The following TGFBI variants were observed in gnomAD, a reference collection of about 807,000 sequenced individuals.
The protein encoded by TGFBI is transforming growth factor-beta-induced protein ig-h3.
In TGFBI, 50 loss-of-function variants were observed where a neutral mutation model predicts 73.7. The observed-to-expected ratio is 0.68, with a 90% CI of 0.54 to 0.86. The LOEUF is 0.86. Among genes scored for constraint, TGFBI ranks in the 40% least tolerant of loss-of-function variants. The probability of loss-of-function intolerance (pLI) is 0.00; values close to 1 mark genes in which losing one functional copy is unlikely to be tolerated. For synonymous variants in TGFBI, 362 were observed against 360.5 expected (o/e 1.00, Z -0.05); for missense variants, 839 against 877.0 (o/e 0.96, Z 0.55).
At chr5:136,029,414 A>G (rs1751069127) in intron 1 of TGFBI, among the ~76,000 whole-genome samples, 1 of 152,146 alleles carries the variant, frequency 6.6e-6, no homozygotes, top group Non-Finnish European at 1.5e-5. Context: ...GCTTTGTAGA[A>G]GGGAGTGGGG....
At chr5:136,030,955 G>T (rs772795369) in intron 1 of TGFBI, among the ~76,000 whole-genome samples, 5 of 152,202 alleles carry the variant, frequency 3.3e-5, no homozygotes, top group Non-Finnish European at 5.9e-5. Context: ...GAGCCCAGAA[G>T]AGTGCTGACC....
At chr5:136,031,380 T>G (rs952929148) in intron 1 of TGFBI, among the ~76,000 whole-genome samples, 39 of 152,244 alleles carry the variant, frequency 2.6e-4, no homozygotes, top group Admixed American at 1.3e-4. Flanking sequence ...TTTAAGGAAT[T>G]GTAGCGTGCT....
intron 12 of TGFBI, among the ~76,000 whole-genome samples, chr5:136,057,172 G>C (rs564314687): frequency 5.3e-5 from 8 of 152,320 alleles, no homozygotes; most frequent in African/African-American, 1.9e-4. Context: ...TGGGTCTCTT[G>C]TTGGCTGATG....
At position 136,060,777 on chromosome 5, in the gene TGFBI, T is replaced by TAA. The variant is rs1751733632; in HGVS notation, c.1804-56_1804-55insAA. 3 of 1,286,212 alleles carry TAA rather than the reference T, an allele frequency of 2.3e-6. No individual in the cohort carries two copies. The Admixed American group carries it at 7.2e-5, about 31-fold the overall frequency. The allele number at this position is 1,286,212 out of a possible 1,614,324, so 79.7% of individuals were successfully genotyped here. ...ACACTTGCTGAATGAATAAAATAAA[T>TAA]ATATAAATGTATAAATAAATGCTCT... On this transcript the variant is annotated intron_variant, in intron 13 of 16. Transcript: ENST00000442011.
intron 2 of TGFBI, among the ~76,000 whole-genome samples, chr5:136,039,433 A>G (rs1751290531): frequency 6.6e-6 from 1 of 152,184 alleles, no homozygotes; most frequent in Admixed American, 6.5e-5. Context: ...GGCCTGTAGG[A>G]CCTGGCTAAA....
In TGFBI at chr5:136,046,405, C is replaced by A. The variant is rs774589411; in HGVS notation, c.369C>A (p.Asp123Glu). The change falls in exon 4 of 17, where the codon GAC becomes GAA. Residue 123 changes from aspartate (D) to glutamate (E), a missense_variant. Coordinates refer to ENST00000442011, the MANE Select transcript of TGFBI (RefSeq NM_000358.3). ...CCACCACCACTCAGCTGTACACGGA[C>A]CGCACGGAGAAGCTGAGGCCTGAGA... ...VGSTTTQLYT[D>E]RTEKLRPEME... 7 of 1,613,964 alleles carry A rather than the reference C, an allele frequency of 4.3e-6. No individual in the cohort carries two copies. Among genetic ancestry groups the A allele is most frequent in the Non-Finnish European group, 5.1e-6 (6 of 1,179,862 alleles).
intron 8 of TGFBI, among the ~76,000 whole-genome samples, chr5:136,053,388 C>A (rs547104234): frequency 2.6e-5 from 4 of 152,236 alleles, no homozygotes; most frequent in Non-Finnish European, 5.9e-5. Context: ...AGAAGATCTG[C>A]CTGCTGTGCA....
Position 136,054,037 on chromosome 5 carries a change from T to C in TGFBI, c.1221T>C (p.Ser407=). ...QAGLGNHLSG[S]ERLTLLAPLN... is the part of the protein sequence containing the mutation. ...GCCTCGGCAATCATCTCTCTGGAAG[T>C]GAGCGGTTGACCCTCCTGGCTCCCC... The change falls in exon 9 of 17, where the codon AGT becomes AGC. Residue 407 remains serine, a synonymous_variant. Coordinates refer to ENST00000442011, the MANE Select transcript of TGFBI (RefSeq NM_000358.3). 1 of 1,613,844 alleles carries C rather than the reference T, an allele frequency of 6.2e-7. No individual in the cohort carries two copies. The highest frequency in any genetic ancestry group is 2.2e-5 in the East Asian group (1 of 44,872).
At chr5:136,055,895 A>G in intron 11 of TGFBI, 79 bp downstream of exon 11, 1 of 1,447,436 alleles carries the variant, frequency 6.9e-7, no homozygotes, top group South Asian at 1.4e-5. Context: ...GCTATTTGTC[A>G]AGCTTTCTTC....
At chr5:136,062,591 C>T (rs998089583) in intron 15 of TGFBI, 72 bp from the exon 16 acceptor site, 23 of 1,487,718 alleles carry the variant, frequency 1.5e-5, no homozygotes, top group Admixed American at 3.9e-5. Context: ...TGGCAATGGG[C>T]AAAGCCATTG....
At chr5:136,044,525 G>A (rs1190542265) in intron 3 of TGFBI, among the ~76,000 whole-genome samples, 1 of 152,236 alleles carries the variant, frequency 6.6e-6, no homozygotes, top group African/African-American at 2.4e-5. Flanking sequence ...GGATGTGGGA[G>A]GAGGGGGTCA....
At chr5:136,035,438 A>G (rs917605915) in intron 2 of TGFBI, among the ~76,000 whole-genome samples, 2 of 152,112 alleles carry the variant, frequency 1.3e-5, no homozygotes, top group African/African-American at 4.8e-5. Flanking sequence ...CCTGGCTAAC[A>G]TGGTGAAACC....
At chr5:136,054,189 T>C (rs1316990952) in intron 9 of TGFBI, 109 bp downstream of exon 9, 37 of 1,434,464 alleles carry the variant, frequency 2.6e-5, no homozygotes, top group Non-Finnish European at 3.3e-5. Flanking sequence ...ACATTAGAAC[T>C]TCCACTCAGC....
intron 13 of TGFBI, among the ~76,000 whole-genome samples, chr5:136,059,982 G>A (rs1182979171): frequency 6.6e-6 from 1 of 152,206 alleles, no homozygotes; most frequent in Non-Finnish European, 1.5e-5. Flanking sequence ...ACAGGCTTCT[G>A]TGCCTCCTAC....
chr5:136,041,306 C>T (rs1751335419), intron 2 of TGFBI, among the ~76,000 whole-genome samples: 1 of 152,304 alleles, frequency 6.6e-6, no homozygotes, highest in South Asian at 2.1e-4. Flanking sequence ...GACTCAGTGG[C>T]CTGAGGGACT....
chr5:136,062,139 G>A (rs1207552357), intron 15 of TGFBI, among the ~76,000 whole-genome samples: 1 of 152,048 alleles, frequency 6.6e-6, no homozygotes, highest in African/African-American at 2.4e-5. Context: ...TCCCCAGCTT[G>A]CCCAGTGCTC....
At chr5:136,063,000 A>G (rs45569433) in intron 16 of TGFBI, among the ~76,000 whole-genome samples, 186 bp from the exon 17 acceptor site, 4,657 of 152,272 alleles carry the variant, frequency 0.031, 236 homozygotes, top group African/African-American at 0.11. Context: ...GTTGATAGGT[A>G]CAGAAAACCA....
intron 13 of TGFBI, 117 bp downstream of exon 13, chr5:136,059,331 C>CCT: frequency 7.1e-7 from 1 of 1,412,326 alleles, no homozygotes; most frequent in Non-Finnish European, 9.5e-7. Flanking sequence ...GCCCGAATCT[C>CCT]TGAGTGTAAT....
intron 6 of TGFBI, chr5:136,049,008 G>A: frequency 6.0e-6 from 1 of 165,328 alleles, no homozygotes; most frequent in Non-Finnish European, 1.3e-5. Context: ...TCGAGTGACA[G>A]TGTGAGGAGG....
Sources: gnomAD v4.1 joint callset for allele counts (sites outside exome capture counted in the v4.1 genomes callset) on GRCh38, gnomAD v4.1.1 for gene constraint, MANE v1.5 for transcripts, NCBI Gene and HGNC (gene_info 2026-07-23, HGNC 2026-07-21) for gene names.